PCBP3: variants seen among roughly 807,000 people sequenced by gnomAD.
PCBP3 encodes the protein poly(rC) binding protein 3, also known as poly(rC)-binding protein 3.
Under a neutral mutation model 52.7 loss-of-function variants are expected in PCBP3, and 25 were observed. The ratio of observed to expected loss-of-function variants is 0.47; its 90% CI spans 0.35 to 0.66. The LOEUF is 0.66. Among genes scored for constraint, PCBP3 ranks in the 30% least tolerant of loss-of-function variants. The pLI is 0.01. For synonymous variants in PCBP3, 162 were observed against 183.0 expected, an observed-to-expected ratio of 0.89 and a Z score of 0.93; for missense variants, 391 against 490.3, an observed-to-expected ratio of 0.80 and a Z score of 1.91.
At chr21:45,644,506 T>A (rs1363832642) in intron 1 of PCBP3, among the ~76,000 whole-genome samples, 2 of 104,602 alleles carry the variant, frequency 1.9e-5, no homozygotes, top group Non-Finnish European at 4.2e-5. Context: ...CGTGAAAGAG[T>A]TTTTTTCTTT....
In PCBP3 at chr21:45,805,182, CCA is replaced by C. The variant is rs1393411646; in HGVS notation, c.-125-44775_-125-44774del. Among the ~76,000 whole-genome samples the C allele has an allele frequency of 2.0e-5, 3 of 152,292 alleles. No individual in the cohort carries two copies. Among genetic ancestry groups the C allele is most frequent in the African/African-American group, 7.2e-5 (3 of 41,580 alleles). ...TTCCTAGCCGGGCACTATGCCACAG[CCA>C]CACCCCTGTGGCCTGGCCCCCATGG... On this transcript the variant is annotated intron_variant, in intron 4 of 17. Coordinates refer to ENST00000681687, the MANE Select transcript of PCBP3 (RefSeq NM_001384156.1). This position sits in a 1 kb window ranked among gnomAD's most constrained non-coding sequence, Gnocchi z 4.6.
chr21:45,758,454 G>A (rs1001369651), intron 4 of PCBP3, among the ~76,000 whole-genome samples: 1 of 152,142 alleles, frequency 6.6e-6, no homozygotes, highest in Admixed American at 6.5e-5. Flanking sequence ...AGATGGCTTT[G>A]TGTTTATTTA....
Position 45,896,237 on chromosome 21 carries a change from C to T in PCBP3, c.40C>T (p.Pro14Ser), listed in dbSNP as rs1338453281. 1 of 1,552,022 alleles carries T rather than the reference C, an allele frequency of 6.4e-7. No homozygotes were observed. ...CGCCTTCTGGGCCCCATCTGTCCTT[C>T]CTCACAGCACCCTCAGCACCTTAAG... is the stretch of plus-strand genomic sequence containing the variant. The part of the protein sequence containing the change: ...GDAFWAPSVL[P>S]HSTLSTLSHH... Residue 14 changes from proline (P) to serine (S), a missense_variant, in exon 6 of 18, where the codon CCT (proline) becomes TCT (serine). Physicochemically the swap from Pro to Ser is moderately conservative, Grantham distance 74 (BLOSUM62 -1). Transcript: ENST00000681687.
rs1440415870 is a variant in PCBP3, at chr21:45,909,379, A to G, written c.364A>G (p.Ser122Gly). 3 of 1,612,994 alleles carry G rather than the reference A, an allele frequency of 1.9e-6. No homozygotes were observed. The highest frequency in any genetic ancestry group is 2.2e-5 in the East Asian group (1 of 44,882). The change falls in exon 10 of 18, where the codon AGC becomes GGC. Residue 122 changes from serine (S) to glycine (G), a missense_variant. Transcript: ENST00000681687. ...GGATATCATCAACTCCATGAGCAAC[A>G]GCCCTGCCACCAGCAAGCCCCCAGT... is the stretch of plus-strand genomic sequence containing the variant. ...EEDIINSMSN[S>G]PATSKPPVTL...
intron 9 of PCBP3, among the ~76,000 whole-genome samples, chr21:45,907,348 G>A (rs2096236976): frequency 6.6e-6 from 1 of 152,172 alleles, no homozygotes; most frequent in Non-Finnish European, 1.5e-5. Flanking sequence ...GCGTTCGAGT[G>A]GGGTTTCACT....
chr21:45,713,648 T>C (rs2084009641), intron 2 of PCBP3, among the ~76,000 whole-genome samples: 1 of 152,242 alleles, frequency 6.6e-6, no homozygotes, highest in Non-Finnish European at 1.5e-5. Flanking sequence ...GCTGACGCCA[T>C]GCTCCGCTAC....
chr21:45,906,558 C>T (rs1033659788), intron 9 of PCBP3, among the ~76,000 whole-genome samples: 5 of 152,102 alleles, frequency 3.3e-5, no homozygotes, highest in African/African-American at 7.2e-5. Context: ...TGGAACCTCT[C>T]GGAGCCTTTA....
intron 1 of PCBP3, among the ~76,000 whole-genome samples, chr21:45,651,510 G>T (rs2079682623): frequency 6.6e-6 from 1 of 151,838 alleles, no homozygotes. Flanking sequence ...TATGTTTTTT[G>T]AACCAATATT....
rs182547203 is a variant in PCBP3, at chr21:45,856,476, G to A, written c.10+6381G>A. Among the ~76,000 whole-genome samples the A allele has an allele frequency of 2.6e-5, 4 of 152,370 alleles. No individual in the cohort carries two copies. The East Asian group carries it at 7.7e-4, about 29-fold the overall frequency. On this transcript the variant is annotated intron_variant, in intron 5 of 17. Coordinates refer to ENST00000681687, the MANE Select transcript of PCBP3 (RefSeq NM_001384156.1). Reference sequence around the variant, plus strand: ...GTTGGAGGTGGGTCTGGTGGGAGGTGTTTGGGTCATGGGTGCGGCTTCCCC... The same window carrying A: ...GTTGGAGGTGGGTCTGGTGGGAGGTATTTGGGTCATGGGTGCGGCTTCCCC...
chr21:45,939,118 T>C (rs2077183505), intron 16 of PCBP3, among the ~76,000 whole-genome samples: 1 of 152,252 alleles, frequency 6.6e-6, no homozygotes, highest in Non-Finnish European at 1.5e-5. Flanking sequence ...GGGACCCATG[T>C]GCCCAGCTGC....
Position 45,677,186 on chromosome 21 carries a change from A to G in PCBP3, c.-200+8234A>G, listed in dbSNP as rs541640364. Among the ~76,000 whole-genome samples, 7 of 152,376 alleles carry G rather than the reference A, an allele frequency of 4.6e-5. No homozygotes were observed. The South Asian group carries it at 1.4e-3, about 32-fold the overall frequency. ...AACAACCAGGTTATGAATGGAAAGG[A>G]AGTTCTTGAAGTAAATGAAAAATGT... On this transcript the variant is annotated intron_variant, in intron 2 of 17. Coordinates refer to ENST00000681687, the MANE Select transcript of PCBP3 (RefSeq NM_001384156.1).
intron 4 of PCBP3, among the ~76,000 whole-genome samples, chr21:45,780,325 C>A (rs1395528232): frequency 6.6e-6 from 1 of 152,048 alleles, no homozygotes; most frequent in Non-Finnish European, 1.5e-5. Flanking sequence ...TGATTTTTTC[C>A]TCTGATTTGA....
chr21:45,896,948 G>A (rs35639222), intron 6 of PCBP3, among the ~76,000 whole-genome samples: 285 of 89,278 alleles, frequency 3.2e-3, no homozygotes, highest in African/African-American at 0.013. Flanking sequence ...ACATAGAACC[G>A]GAGATGCACT....
Position 45,788,864 on chromosome 21 carries a change from T to C in PCBP3, c.-126+33412T>C, listed in dbSNP as rs1490534441. 1 of 152,220 alleles carries C rather than the reference T, an allele frequency of 6.6e-6. No individual in the cohort carries two copies. The highest frequency in any genetic ancestry group is 2.4e-5 in the African/African-American group (1 of 41,452). 9.4% of individuals were successfully genotyped at this position (152,220 alleles called of 1,614,324 possible). The stretch of plus-strand genomic sequence containing the variant: ...TGACTCACCAGTCACAGGGCAGTTC[T>C]CCTCAGGTTAGAAACACAGTGGAGC... On this transcript the variant is annotated intron_variant, in intron 4 of 17. Coordinates refer to ENST00000681687, the MANE Select transcript of PCBP3 (RefSeq NM_001384156.1). The surrounding 1 kb of genome is among the most constrained non-coding windows in gnomAD (Gnocchi z 4.3).
chr21:45,701,123 A>G lies in PCBP3; in HGVS notation c.-200+32171A>G, dbSNP rs2083099132. ...ATCAATTTCTAAAATTATTTACAAT[A>G]TTAAAGTTGAAATGAATCCATCACA... is the stretch of plus-strand genomic sequence containing the variant. On this transcript the variant is annotated intron_variant, in intron 2 of 17. Coordinates refer to ENST00000681687, the MANE Select transcript of PCBP3 (RefSeq NM_001384156.1). 2.0e-5 allele frequency among the ~76,000 whole-genome samples: 3 copies of G among 152,232 alleles called. No individual in the cohort carries two copies. The South Asian group carries it at 6.2e-4, about 32-fold the overall frequency.
At chr21:45,876,965 A>G (rs2095274367) in intron 5 of PCBP3, among the ~76,000 whole-genome samples, 1 of 152,236 alleles carries the variant, frequency 6.6e-6, no homozygotes, top group African/African-American at 2.4e-5. Flanking sequence ...AGTGGCACAC[A>G]GGAGAGAGCT....
At chr21:45,923,811 G>A (rs976812097) in intron 13 of PCBP3, among the ~76,000 whole-genome samples, 33 of 151,262 alleles carry the variant, frequency 2.2e-4, no homozygotes, top group Admixed American at 1.1e-3. Flanking sequence ...ACGTAAGATC[G>A]GGTGTGCACG....
chr21:45,657,861 ATACT>A (rs1243586113), intron 1 of PCBP3, among the ~76,000 whole-genome samples: 1 of 152,230 alleles, frequency 6.6e-6, no homozygotes, highest in African/African-American at 2.4e-5. Context: ...GCAGATATAG[ATACT>A]TTTAATTCTT....
In PCBP3 at chr21:45,856,837, T is replaced by A. The variant is rs139223154; in HGVS notation, c.10+6742T>A. The stretch of plus-strand genomic sequence containing the variant: ...AGGGAGGCATGAGACATCAATCAAA[T>A]ACATTTAACAAATACATTGGTTTGG... On this transcript the variant is annotated intron_variant, in intron 5 of 17. Coordinates refer to ENST00000681687, the MANE Select transcript of PCBP3 (RefSeq NM_001384156.1). 9.3e-3 allele frequency among the ~76,000 whole-genome samples: 1,412 copies of A among 152,250 alleles called. 27 individuals are homozygous for A. The highest frequency in any genetic ancestry group is 0.032 in the African/African-American group (1,319 of 41,538).
Sources: allele counts gnomAD v4.1 joint callset (sites outside exome capture counted in the v4.1 genomes callset), GRCh38; gene constraint gnomAD v4.1.1; non-coding constraint Gnocchi (gnomAD v3.1); transcripts MANE v1.5; gene names NCBI Gene and HGNC (gene_info 2026-07-23, HGNC 2026-07-21).